ADAM23: variants seen among roughly 807,000 people sequenced by gnomAD.
ADAM23 encodes ADAM metallopeptidase domain 23, also known as disintegrin and metalloproteinase domain-containing protein 23.
ADAM23 carries 33 observed loss-of-function variants against 120.1 expected under a neutral mutation model. The observed-to-expected ratio is 0.27, with a 90% confidence interval of 0.21 to 0.37. ADAM23 has a LOEUF of 0.37. Ranked by LOEUF, ADAM23 falls within the 10% of genes least tolerant of loss-of-function variation. The probability of loss-of-function intolerance (pLI) is 1.00; values close to 1 mark genes in which losing one functional copy is unlikely to be tolerated. For synonymous variants in ADAM23, 367 were observed against 375.2 expected (o/e 0.98, Z 0.25); for missense variants, 862 against 1,058.2 (o/e 0.81, Z 2.57).
At chr2:206,580,384 A>G (rs1559274884) in intron 18 of ADAM23, among the ~76,000 whole-genome samples, 1 of 152,172 alleles carries the variant, frequency 6.6e-6, no homozygotes, top group African/African-American at 2.4e-5. Flanking sequence ...ACATTGAGGT[A>G]TGTCCCTTGT....
intron 23 of ADAM23, among the ~76,000 whole-genome samples, chr2:206,595,521 G>C (rs996328377): frequency 6.6e-6 from 1 of 152,078 alleles, no homozygotes; most frequent in African/African-American, 2.4e-5. Flanking sequence ...CAGGGAAAGT[G>C]CCACCAAGTG....
At chr2:206,603,425 A>G (rs1574561321) in intron 24 of ADAM23, among the ~76,000 whole-genome samples, 1 of 152,212 alleles carries the variant, frequency 6.6e-6, no homozygotes, top group African/African-American at 2.4e-5. Flanking sequence ...AGAGACAACC[A>G]TGTTCAGTAC....
At chr2:206,554,383 T>C (rs916189714) in intron 9 of ADAM23, among the ~76,000 whole-genome samples, 9 of 152,174 alleles carry the variant, frequency 5.9e-5, no homozygotes, top group African/African-American at 2.2e-4. Context: ...AATCTTATTC[T>C]AATAGAAAAT....
intron 2 of ADAM23, among the ~76,000 whole-genome samples, chr2:206,452,792 T>G (rs901161937): frequency 1.3e-5 from 2 of 152,154 alleles, no homozygotes; most frequent in Non-Finnish European, 2.9e-5. Flanking sequence ...TTCCCAGCTA[T>G]CTAAGAGTGA....
At chr2:206,532,182 G>C (rs760846294) in intron 4 of ADAM23, among the ~76,000 whole-genome samples, 5 of 152,128 alleles carry the variant, frequency 3.3e-5, no homozygotes, top group Non-Finnish European at 7.3e-5. Flanking sequence ...TCTGTCAGCT[G>C]TGCCAGGGCC....
intron 25 of ADAM23, among the ~76,000 whole-genome samples, chr2:206,615,125 CTG>C (rs1253888410): frequency 1.3e-5 from 2 of 152,162 alleles, no homozygotes; most frequent in Admixed American, 6.5e-5. Flanking sequence ...CTTTACGGCT[CTG>C]AGACGGTTAT....
intron 23 of ADAM23, 81 bp from the exon 24 acceptor site, chr2:206,595,970 C>A: frequency 9.2e-7 from 1 of 1,082,492 alleles, no homozygotes; most frequent in Non-Finnish European, 1.4e-6. Context: ...TTCCTCCCTG[C>A]CCCCGTGTCT....
chr2:206,599,833 C>T (rs943542736), intron 24 of ADAM23, among the ~76,000 whole-genome samples: 4 of 152,178 alleles, frequency 2.6e-5, no homozygotes, highest in African/African-American at 9.7e-5. Context: ...GTAATGGACT[C>T]AAGTTATTAA....
chr2:206,524,742 C>G (rs1294566796), intron 3 of ADAM23, among the ~76,000 whole-genome samples: 1 of 152,142 alleles, frequency 6.6e-6, no homozygotes, highest in African/African-American at 2.4e-5. Context: ...AAACTGCCTC[C>G]CATGAATCAG....
intron 2 of ADAM23, among the ~76,000 whole-genome samples, chr2:206,458,264 G>C (rs566605098): frequency 1.6e-3 from 125 of 75,828 alleles, no homozygotes; most frequent in African/African-American, 6.1e-3. Flanking sequence ...CATGGGAAAT[G>C]TTACCAATTA....
At chr2:206,538,588 A>G (rs867955342) in intron 4 of ADAM23, among the ~76,000 whole-genome samples, 1 of 152,190 alleles carries the variant, frequency 6.6e-6, no homozygotes, top group East Asian at 1.9e-4. Context: ...TATGGTCACT[A>G]TCAATGTCCA....
At chr2:206,574,369 T>C (rs1376823582) in intron 18 of ADAM23, among the ~76,000 whole-genome samples, 1 of 151,922 alleles carries the variant, frequency 6.6e-6, no homozygotes, top group African/African-American at 2.4e-5. Flanking sequence ...CTCTTTACCA[T>C]ACCTTTATTT....
At chr2:206,613,137 G>A (rs966100644) in intron 25 of ADAM23, among the ~76,000 whole-genome samples, 10 of 151,952 alleles carry the variant, frequency 6.6e-5, no homozygotes, top group African/African-American at 2.4e-4. Flanking sequence ...TCAGTTCACC[G>A]CAACCTCCGC....
Position 206,567,297 on chromosome 2 carries a change from C to G in ADAM23, c.1469C>G (p.Ala490Gly), listed in dbSNP as rs1225353339. The change falls in exon 15 of 26, where the codon GCC becomes GGC. Residue 490 changes from alanine (A) to glycine (G), a missense_variant. Ala to Gly is a moderately conservative substitution (Grantham distance 60). Coordinates refer to ENST00000264377, the MANE Select transcript of ADAM23 (RefSeq NM_003812.4). Reference protein sequence around the residue: ...YRDFLQRGGGACLFNRPTKLF... With the variant: ...YRDFLQRGGGGCLFNRPTKLF... ...GACTTTTTACAGAGAGGAGGTGGAG[C>G]CTGCCTTTTCAACAGGCCAACAAAG... 7 of 1,613,734 alleles carry G rather than the reference C, an allele frequency of 4.3e-6. No homozygotes were observed. The highest frequency in any genetic ancestry group is 5.9e-6 in the Non-Finnish European group (7 of 1,179,776).
At chr2:206,506,731 G>T (rs927149059) in intron 3 of ADAM23, among the ~76,000 whole-genome samples, 2 of 152,154 alleles carry the variant, frequency 1.3e-5, no homozygotes, top group Non-Finnish European at 2.9e-5. Flanking sequence ...GGTAAAGCCC[G>T]TCATGCTTAA....
Position 206,588,094 on chromosome 2 carries a change from C to A in ADAM23, c.1792C>A (p.Arg598Ser), listed in dbSNP as rs755389842. 2 of 1,614,034 alleles carry A rather than the reference C, an allele frequency of 1.2e-6. No individual in the cohort carries two copies. Among genetic ancestry groups the A allele is most frequent in the East Asian group, 2.2e-5 (1 of 44,868 alleles). ...ACATGTGTGCTCCTGTCCCCAGGGC[C>A]GCTGCTACAATGGCGAGTGCAAGAC... ...DGYACNQNQG[R>S]CYNGECKTRD... is the part of the protein sequence containing the mutation. Residue 598 changes from arginine (R) to serine (S), a missense_variant, in exon 20 of 26, where the codon CGC becomes AGC. By Grantham distance (110) the Arg-to-Ser change is moderately radical. Coordinates refer to ENST00000264377, the MANE Select transcript of ADAM23 (RefSeq NM_003812.4).
chr2:206,458,834 G>T (rs1214228094), intron 2 of ADAM23, among the ~76,000 whole-genome samples: 1 of 152,112 alleles, frequency 6.6e-6, no homozygotes, highest in African/African-American at 2.4e-5. Flanking sequence ...ATCTGCCTTT[G>T]GTAGTTTTCT....
chr2:206,574,756 T>C (rs1698078536), intron 18 of ADAM23, among the ~76,000 whole-genome samples: 1 of 152,216 alleles, frequency 6.6e-6, no homozygotes, highest in South Asian at 2.1e-4. Context: ...CTATGTGGTT[T>C]GGCATGATCT....
intron 3 of ADAM23, among the ~76,000 whole-genome samples, chr2:206,495,895 A>T (rs1220814959): frequency 6.6e-6 from 1 of 152,206 alleles, no homozygotes; most frequent in Non-Finnish European, 1.5e-5. Flanking sequence ...AGATCAAAAG[A>T]GACAAAGAAG....
Sources: allele counts gnomAD v4.1 joint callset (sites outside exome capture counted in the v4.1 genomes callset), GRCh38; gene constraint gnomAD v4.1.1; transcripts MANE v1.5; gene names NCBI Gene and HGNC (gene_info 2026-07-23, HGNC 2026-07-21).